RUSC2: variants seen among roughly 807,000 people sequenced by gnomAD.
RUSC2 encodes AP-4 complex accessory subunit RUSC2.
A neutral mutation model predicts 122.2 loss-of-function variants in RUSC2; 34 were observed. The observed-to-expected ratio is 0.28, with a 90% CI of 0.21 to 0.37. The LOEUF is 0.37. Among genes scored for constraint, RUSC2 ranks in the 10% least tolerant of loss-of-function variants. The pLI is 1.00. For synonymous variants in RUSC2, 784 were observed against 790.0 expected (o/e 0.99, Z 0.13); for missense variants, 1,747 against 1,952.4 (o/e 0.89, Z 1.98).
In RUSC2 at chr9:35,556,549, G is replaced by GCCCTCTAAGTGCTGGCTGGT; in HGVS notation, c.2983+104_2983+105insTCTAAGTGCTGGCTGGTCCC. 4.5e-6 allele frequency: 6 copies of GCCCTCTAAGTGCTGGCTGGT among 1,345,698 alleles called. No individual in the cohort carries two copies. The East Asian group carries it at 1.4e-4, about 32-fold the overall frequency. The allele number at this position is 1,345,698 out of a possible 1,614,324, so 83.4% of individuals were successfully genotyped here. ...TCTGAAACCTCTAAGTGCTGGCTGG[G>GCCCTCTAAGTGCTGGCTGGT]CCCAGTGGCTCACGCCTGTAATCCC... On this transcript the variant is annotated intron_variant, in intron 5 of 11. Coordinates refer to ENST00000361226, the MANE Select transcript of RUSC2 (RefSeq NM_014806.5).
Position 35,547,049 on chromosome 9 carries a change from A to C in RUSC2, c.528A>C (p.Pro176=), listed in dbSNP as rs1430411068. 6.2e-7 allele frequency: 1 copy of C among 1,611,724 alleles called. No individual in the cohort carries two copies. Among genetic ancestry groups the C allele is most frequent in the Non-Finnish European group, 8.5e-7 (1 of 1,178,452 alleles). The change falls in exon 2 of 12, where the codon CCA becomes CCC. Residue 176 remains proline, a synonymous_variant. Transcript: ENST00000361226. The surrounding 1 kb of genome is among the most constrained non-coding windows in gnomAD (Gnocchi z 4.6). The part of the protein sequence containing the change: ...AGVVEGQEQE[P]VMTLDTQQCG... ...TGGTGGAAGGGCAGGAACAGGAGCC[A>C]GTGATGACCTTGGATACTCAGCAGT...
chr9:35,525,023 C>T (rs1821298433), intron 1 of RUSC2, among the ~76,000 whole-genome samples: 1 of 151,802 alleles, frequency 6.6e-6, no homozygotes, highest in African/African-American at 2.4e-5. Context: ...AAAAATGAGC[C>T]ATTTAAAAAC....
intron 1 of RUSC2, among the ~76,000 whole-genome samples, chr9:35,499,676 T>G (rs1820786910): frequency 6.6e-6 from 1 of 152,220 alleles, no homozygotes; most frequent in African/African-American, 2.4e-5. Flanking sequence ...AATTTATCTG[T>G]TTTTATACTT....
chr9:35,537,686 A>G (rs1821557148), intron 1 of RUSC2, among the ~76,000 whole-genome samples: 1 of 152,196 alleles, frequency 6.6e-6, no homozygotes, highest in African/African-American at 2.4e-5. Context: ...ATCCTGAGGG[A>G]TAGCTGTTAT....
chr9:35,560,687 T>G lies in RUSC2; in HGVS notation c.4047T>G (p.Pro1349=), dbSNP rs1375444284. 1.9e-6 allele frequency: 3 copies of G among 1,571,898 alleles called. No homozygotes were observed. The highest frequency in any genetic ancestry group is 4.6e-5 in the East Asian group (2 of 43,040). ...RGWPFWMGSP[P]DSVLAELRRS... ...GGCCCTTCTGGATGGGGAGCCCCCC[T>G]GACTCTGTGCTGGCCGAGCTGAGGC... The change falls in exon 10 of 12, where the codon CCT becomes CCG. Residue 1349 remains proline (P), a synonymous_variant. Coordinates refer to ENST00000361226, the MANE Select transcript of RUSC2 (RefSeq NM_014806.5).
rs573893384 is a variant in RUSC2 at position 35,546,572 on chromosome 9, C to T, written c.51C>T (p.Ile17=). 1 of 1,494,118 alleles carries T rather than the reference C, an allele frequency of 6.7e-7. No individual in the cohort carries two copies. The highest frequency in any genetic ancestry group is 2.4e-5 in the Admixed American group (1 of 41,266). The allele number at this position is 1,494,118 out of a possible 1,614,324, so 92.6% of individuals were successfully genotyped here. The part of the protein sequence containing the change: ...LTGETLIVHH[I]PLVHCQVPDR... ...GAGAGACCCTCATCGTTCATCACAT[C>T]CCCCTGGTGCACTGCCAAGTCCCAG... Residue 17 remains isoleucine (I), a synonymous_variant, in exon 2 of 12, where the codon ATC becomes ATT. Coordinates refer to ENST00000361226, the MANE Select transcript of RUSC2 (RefSeq NM_014806.5). This position sits in a 1 kb window ranked among gnomAD's most constrained non-coding sequence, Gnocchi z 4.3.
At chr9:35,544,161 G>C (rs1821697808) in intron 1 of RUSC2, among the ~76,000 whole-genome samples, 1 of 152,092 alleles carries the variant, frequency 6.6e-6, no homozygotes, top group South Asian at 2.1e-4. Context: ...CCCAGCTGGA[G>C]TGAAGTAGTA....
At chr9:35,533,246 C>CAAAAA (rs67387968) in intron 1 of RUSC2, among the ~76,000 whole-genome samples, 1 of 122,956 alleles carries the variant, frequency 8.1e-6, no homozygotes, top group Non-Finnish European at 1.8e-5. Flanking sequence ...GACTCTGTCT[C>CAAAAA]AAAAAAAAAA....
At chr9:35,540,093 A>C (rs1019152760) in intron 1 of RUSC2, among the ~76,000 whole-genome samples, 1 of 152,138 alleles carries the variant, frequency 6.6e-6, no homozygotes. Flanking sequence ...GAGTTCCCTA[A>C]ATTCCCATTT....
chr9:35,541,042 T>C (rs1013087809), intron 1 of RUSC2, among the ~76,000 whole-genome samples: 2 of 152,154 alleles, frequency 1.3e-5, no homozygotes, highest in African/African-American at 2.4e-5. Context: ...TATAGTATTA[T>C]AATAGGACAA....
At chr9:35,552,350 G>C (rs972574506) in intron 2 of RUSC2, among the ~76,000 whole-genome samples, 1 of 152,164 alleles carries the variant, frequency 6.6e-6, no homozygotes, top group African/African-American at 2.4e-5. Context: ...GACAAAGTGA[G>C]ACTCTGTCTC....
intron 9 of RUSC2, 147 bp downstream of exon 9, chr9:35,559,419 G>A: frequency 1.4e-6 from 1 of 698,058 alleles, no homozygotes; most frequent in Non-Finnish European, 2.5e-6. Flanking sequence ...TCCACCCAAG[G>A]CCTTCCCCAG....
At chr9:35,497,096 C>T (rs1218416308) in intron 1 of RUSC2, among the ~76,000 whole-genome samples, 1 of 152,160 alleles carries the variant, frequency 6.6e-6, no homozygotes, top group Non-Finnish European at 1.5e-5. Flanking sequence ...ACGATCTGCA[C>T]CTCTCCTGTC....
chr9:35,523,733 T>TC (rs1490930473), intron 1 of RUSC2, among the ~76,000 whole-genome samples: 1 of 151,854 alleles, frequency 6.6e-6, no homozygotes, highest in African/African-American at 2.4e-5. Flanking sequence ...AAGGATGGCT[T>TC]GAGTCCAGGA....
Position 35,548,223 on chromosome 9 carries a change from G to C in RUSC2, c.1702G>C (p.Asp568His). 1 of 1,613,418 alleles carries C rather than the reference G, an allele frequency of 6.2e-7. No individual in the cohort carries two copies. The highest frequency in any genetic ancestry group is 1.3e-5 in the African/African-American group (1 of 75,064). ...GCCCCCACTTCGTGTGAGTGTTGGGGACTCCTCCCAGGAGTTCTCACCCAT... is the reference window on the plus strand; with the variant it reads ...GCCCCCACTTCGTGTGAGTGTTGGGCACTCCTCCCAGGAGTTCTCACCCAT... Reference protein sequence around the residue: ...GSPPLRVSVGDSSQEFSPIQE... With the variant: ...GSPPLRVSVGHSSQEFSPIQE... The change falls in exon 2 of 12, where the codon GAC becomes CAC. Residue 568 changes from aspartate to histidine, a missense_variant. Transcript: ENST00000361226. The surrounding 1 kb of genome is among the most constrained non-coding windows in gnomAD (Gnocchi z 4.5).
chr9:35,559,236 C>G lies in RUSC2; in HGVS notation c.3352C>G (p.Leu1118Val). Residue 1118 changes from leucine (L) to valine (V), a missense_variant, in exon 9 of 12, where the codon CTG becomes GTG. Physicochemically the swap from Leu to Val is conservative, Grantham distance 32 (BLOSUM62 1). Transcript: ENST00000361226. Reference sequence around the variant, plus strand: ...CCTGTCTCCCTACAGCATCCGGTCCCTGGAGTTCTGGTTTAATCACCTCTA... The same window carrying G: ...CCTGTCTCCCTACAGCATCCGGTCCGTGGAGTTCTGGTTTAATCACCTCTA... The part of the protein sequence containing the change: ...FILGLLNIRS[L>V]EFWFNHLYNH... 1 of 1,613,544 alleles carries G rather than the reference C, an allele frequency of 6.2e-7. No homozygotes were observed. Among genetic ancestry groups the G allele is most frequent in the Non-Finnish European group, 8.5e-7 (1 of 1,179,440 alleles).
At chr9:35,536,280 C>T (rs1821525834) in intron 1 of RUSC2, among the ~76,000 whole-genome samples, 1 of 152,192 alleles carries the variant, frequency 6.6e-6, no homozygotes, top group South Asian at 2.1e-4. Flanking sequence ...GTTTTCTTGT[C>T]TGTAAAATCA....
In RUSC2 at chr9:35,546,991, G is replaced by T. The variant is rs1398701857; in HGVS notation, c.470G>T (p.Arg157Met). 6.3e-7 allele frequency: 1 copy of T among 1,599,920 alleles called. No individual in the cohort carries two copies. Among genetic ancestry groups the T allele is most frequent in the Non-Finnish European group, 8.5e-7 (1 of 1,172,178 alleles). The change falls in exon 2 of 12, where the codon AGG becomes ATG. Residue 157 changes from arginine to methionine, a missense_variant. Arg to Met is a moderately conservative substitution (Grantham distance 91, BLOSUM62 -1). Coordinates refer to ENST00000361226, the MANE Select transcript of RUSC2 (RefSeq NM_014806.5). The surrounding 1 kb of genome is among the most constrained non-coding windows in gnomAD (Gnocchi z 4.3). Reference sequence around the variant, plus strand: ...CCACCATCTGGCCCCAGAGTGGGCAGGCCATGGGGGACAACACGCAGTCGG... The same window carrying T: ...CCACCATCTGGCCCCAGAGTGGGCATGCCATGGGGGACAACACGCAGTCGG... ...QLPPSGPRVG[R>M]PWGTTRSRAG...
intron 1 of RUSC2, chr9:35,507,417 A>G (rs1444430267): frequency 6.6e-6 from 1 of 152,228 alleles, no homozygotes; most frequent in East Asian, 1.9e-4. Context: ...CTTGCCTGAT[A>G]AAACCCCAAC....
Sources: allele counts gnomAD v4.1 joint callset (sites outside exome capture counted in the v4.1 genomes callset), GRCh38; gene constraint gnomAD v4.1.1; non-coding constraint Gnocchi (gnomAD v3.1); transcripts MANE v1.5; gene names NCBI Gene and HGNC (gene_info 2026-07-23, HGNC 2026-07-21).